Variants in FSHR observed in about 807,000 individuals in gnomAD.
The protein encoded by FSHR is follicle-stimulating hormone receptor.
Under a neutral mutation model 52.1 loss-of-function variants are expected in FSHR, and 46 were observed. The observed-to-expected ratio is 0.88, with a 90% confidence interval of 0.70 to 1.13. FSHR has a LOEUF of 1.13. FSHR is among the 50% of genes most tolerant of loss of function. The pLI is 0.00. For synonymous variants in FSHR, 399 were observed against 309.6 expected, an observed-to-expected ratio of 1.29 and a Z score of -3.03; for missense variants, 964 against 834.6, an observed-to-expected ratio of 1.16 and a Z score of -1.91.
intron 2 of FSHR, among the ~76,000 whole-genome samples, chr2:49,025,840 T>C (rs1432583214): frequency 6.6e-6 from 1 of 152,226 alleles, no homozygotes; most frequent in Non-Finnish European, 1.5e-5. Flanking sequence ...ATTGGCTATC[T>C]GGTCTGCTGA....
chr2:48,966,496 AG>A (rs1337669482), intron 9 of FSHR, among the ~76,000 whole-genome samples: 1 of 152,246 alleles, frequency 6.6e-6, no homozygotes, highest in African/African-American at 2.4e-5. Context: ...GGAAGAGCCC[AG>A]GAAGAGTCCA....
intron 1 of FSHR, among the ~76,000 whole-genome samples, chr2:49,111,286 C>T (rs1465243792): frequency 6.6e-6 from 1 of 152,128 alleles, no homozygotes; most frequent in African/African-American, 2.4e-5. Context: ...CTTTTTTGGC[C>T]TGCCCTGTGA....
intron 4 of FSHR, among the ~76,000 whole-genome samples, chr2:49,016,279 A>T (rs377494607): frequency 2.0e-5 from 3 of 152,332 alleles, no homozygotes; most frequent in African/African-American, 7.2e-5. Flanking sequence ...TCAATTCTGT[A>T]TCCTTCCCTA....
chr2:49,042,945 A>C (rs3913666), intron 2 of FSHR, among the ~76,000 whole-genome samples: 9,772 of 152,236 alleles, frequency 0.064, 576 homozygotes, highest in East Asian at 0.21. Flanking sequence ...TAACATTGAC[A>C]ACACCTTAGG....
intron 4 of FSHR, among the ~76,000 whole-genome samples, chr2:49,005,728 C>T (rs1048787503): frequency 3.9e-5 from 6 of 152,130 alleles, no homozygotes; most frequent in Non-Finnish European, 5.9e-5. Context: ...CCTATTGAAC[C>T]ATGCCTTTCT....
chr2:49,054,193 TG>T (rs1279625146), intron 2 of FSHR, among the ~76,000 whole-genome samples: 1 of 152,164 alleles, frequency 6.6e-6, no homozygotes, highest in Admixed American at 6.5e-5. Flanking sequence ...CCTGTGCAAC[TG>T]GGGGGATGAA....
At chr2:49,143,865 G>A (rs1052046330) in intron 1 of FSHR, among the ~76,000 whole-genome samples, 3 of 152,040 alleles carry the variant, frequency 2.0e-5, no homozygotes, top group African/African-American at 7.2e-5. Context: ...AAACACTCAG[G>A]GACTGGAGGC....
intron 5 of FSHR, among the ~76,000 whole-genome samples, chr2:48,989,495 C>T (rs987009684): frequency 6.6e-6 from 1 of 152,132 alleles, no homozygotes; most frequent in African/African-American, 2.4e-5. Flanking sequence ...GTTGCCCAGG[C>T]TGGTGTCAAA....
chr2:49,057,360 C>T (rs920011235), intron 2 of FSHR, among the ~76,000 whole-genome samples: 2 of 151,814 alleles, frequency 1.3e-5, no homozygotes, highest in African/African-American at 4.8e-5. Flanking sequence ...AGTAACATTA[C>T]AATGTTTACT....
chr2:49,013,515 T>TATAAATATATATATATAA (rs1558389561), intron 4 of FSHR, among the ~76,000 whole-genome samples: 7 of 125,436 alleles, frequency 5.6e-5, no homozygotes, highest in African/African-American at 2.0e-4. Flanking sequence ...TATATATATA[T>TATAAATATATATATATAA]AAATATATAT....
intron 4 of FSHR, among the ~76,000 whole-genome samples, chr2:49,015,100 AT>A (rs1314888692): frequency 6.6e-6 from 1 of 152,140 alleles, no homozygotes; most frequent in African/African-American, 2.4e-5. Flanking sequence ...GCATAATCTT[AT>A]TTGGTTTTTA....
chr2:49,094,338 C>G (rs998357327), intron 1 of FSHR, among the ~76,000 whole-genome samples: 31 of 152,120 alleles, frequency 2.0e-4, no homozygotes, highest in African/African-American at 7.5e-4. Context: ...TTGCTTTCAA[C>G]TGCCAAATAC....
chr2:49,080,159 C>T (rs1379857395), intron 1 of FSHR, among the ~76,000 whole-genome samples: 2 of 152,156 alleles, frequency 1.3e-5, no homozygotes, highest in African/African-American at 4.8e-5. Flanking sequence ...CACCTTTATT[C>T]ACCATTATAT....
chr2:49,003,777 C>A (rs181021626), intron 4 of FSHR, among the ~76,000 whole-genome samples: 256 of 150,776 alleles, frequency 1.7e-3, no homozygotes, highest in Admixed American at 3.0e-3. Flanking sequence ...ACCTGGTCCC[C>A]CACCCCCACC....
intron 2 of FSHR, among the ~76,000 whole-genome samples, chr2:49,064,829 A>C (rs1413864884): frequency 6.6e-6 from 1 of 152,146 alleles, no homozygotes; most frequent in African/African-American, 2.4e-5. Context: ...TTATGAATAC[A>C]GGGTTATGGT....
chr2:49,085,601 A>G (rs1273380089), intron 1 of FSHR, among the ~76,000 whole-genome samples: 2 of 152,198 alleles, frequency 1.3e-5, no homozygotes, highest in Admixed American at 6.5e-5. Flanking sequence ...TGACCCAGCC[A>G]TCCCATTACT....
At chr2:49,020,053 GCC>G (rs1667633818) in intron 3 of FSHR, 31 bp downstream of exon 3, 1 of 1,575,504 alleles carries the variant, frequency 6.3e-7, no homozygotes, top group East Asian at 2.2e-5. Context: ...TTCAAGAATG[GCC>G]ATGAGCAAAT....
chr2:49,096,482 G>A (rs926074386), intron 1 of FSHR, among the ~76,000 whole-genome samples: 1 of 152,192 alleles, frequency 6.6e-6, no homozygotes, highest in Admixed American at 6.5e-5. Context: ...GATTGCCAAC[G>A]ATATGGGGTT....
intron 2 of FSHR, among the ~76,000 whole-genome samples, chr2:49,032,496 C>T (rs1201371615): frequency 6.6e-6 from 1 of 152,178 alleles, no homozygotes; most frequent in African/African-American, 2.4e-5. Flanking sequence ...ATAGTTTCTG[C>T]CTTCAAGGAG....
Sources: gnomAD v4.1 joint callset for allele counts (sites outside exome capture counted in the v4.1 genomes callset) on GRCh38, gnomAD v4.1.1 for gene constraint, MANE v1.5 for transcripts, NCBI Gene and HGNC (gene_info 2026-07-23, HGNC 2026-07-21) for gene names.